Variants in ROBO2 observed in about 807,000 individuals in gnomAD.
ROBO2 encodes the protein roundabout guidance receptor 2.
In ROBO2, 53 loss-of-function variants were observed where a neutral mutation model predicts 160.8. The observed-to-expected ratio is 0.33, with a 90% CI of 0.26 to 0.41. ROBO2 has a LOEUF of 0.41. ROBO2 is among the 10% of genes least tolerant of loss of function. The pLI is 1.00. For synonymous variants in ROBO2, 664 were observed against 611.7 expected (o/e 1.09, Z -1.26); for missense variants, 1,577 against 1,722.4 (o/e 0.92, Z 1.49).
At chr3:77,122,326 G>A (rs12496474) in intron 2 of ROBO2, among the ~76,000 whole-genome samples, 61,650 of 151,970 alleles carry the variant, frequency 0.41, 12,798 homozygotes, top group Middle Eastern at 0.52. Context: ...TTGTGGTCAT[G>A]AACATATTTT....
chr3:76,118,528 CAA>C (rs1219738094), intron 2 of ROBO2, among the ~76,000 whole-genome samples: 2 of 152,110 alleles, frequency 1.3e-5, no homozygotes, highest in African/African-American at 4.8e-5. Context: ...TCTTTCCCTT[CAA>C]AAGTGTTAAC....
intron 2 of ROBO2, among the ~76,000 whole-genome samples, chr3:76,504,985 C>CT (rs1274238112): frequency 6.6e-6 from 1 of 152,014 alleles, no homozygotes; most frequent in Non-Finnish European, 1.5e-5. Flanking sequence ...ATTATGTTTG[C>CT]TGTTGACACT....
intron 2 of ROBO2, among the ~76,000 whole-genome samples, chr3:77,210,704 C>G (rs2084019018): frequency 1.3e-5 from 2 of 152,114 alleles, no homozygotes. Context: ...GGTCATTTAA[C>G]ATTAGGTATA....
At chr3:76,365,157 T>G (rs1462149378) in intron 2 of ROBO2, among the ~76,000 whole-genome samples, 1 of 152,056 alleles carries the variant, frequency 6.6e-6, no homozygotes, top group East Asian at 1.9e-4. Context: ...TGTGGCTTCT[T>G]GTGAATGGTA....
chr3:77,494,159 C>T (rs2086490357), intron 5 of ROBO2, among the ~76,000 whole-genome samples: 1 of 152,142 alleles, frequency 6.6e-6, no homozygotes, highest in African/African-American at 2.4e-5. Flanking sequence ...GTAATTTTAT[C>T]TTTAAGATTT....
intron 2 of ROBO2, among the ~76,000 whole-genome samples, chr3:76,668,262 G>A (rs1324729989): frequency 8.3e-6 from 1 of 120,770 alleles, no homozygotes; most frequent in Admixed American, 8.2e-5. Context: ...ACCACGCCCA[G>A]CTATTAAAAA....
At chr3:77,184,721 T>A (rs2081124513) in intron 2 of ROBO2, among the ~76,000 whole-genome samples, 4 of 152,072 alleles carry the variant, frequency 2.6e-5, no homozygotes, top group African/African-American at 9.6e-5. Context: ...CATTAGTTAA[T>A]CCTTCAGTGT....
chr3:76,957,067 A>G (rs992239760), intron 2 of ROBO2, among the ~76,000 whole-genome samples: 4 of 152,146 alleles, frequency 2.6e-5, no homozygotes, highest in Admixed American at 6.5e-5. Context: ...AAGTTTAAAT[A>G]CACCACTTCC....
chr3:76,918,225 A>G (rs1353495729), intron 2 of ROBO2, among the ~76,000 whole-genome samples: 1 of 152,120 alleles, frequency 6.6e-6, no homozygotes, highest in African/African-American at 2.4e-5. Context: ...TGGATCACGG[A>G]GGTGGTTTCC....
intron 2 of ROBO2, among the ~76,000 whole-genome samples, chr3:76,686,056 TATCACTGAAAGC>T (rs552271371): frequency 1.2e-3 from 180 of 152,206 alleles, no homozygotes; most frequent in Non-Finnish European, 1.3e-3. Context: ...TTCCTTTCCT[TATCACTGAAAGC>T]ATGCGATAGC....
At chr3:77,043,802 G>A (rs554960951) in intron 1 of ROBO2, among the ~76,000 whole-genome samples, 8 of 152,026 alleles carry the variant, frequency 5.3e-5, no homozygotes, top group South Asian at 2.1e-4. Flanking sequence ...CTTGTGAAAA[G>A]GTGTTTTAAA....
In ROBO2 at chr3:76,037,264, T is replaced by C. The variant is rs575520896; in HGVS notation, c.109+99662T>C. On this transcript the variant is annotated intron_variant, in intron 2 of 26. Coordinates refer to the ROBO2 transcript ENST00000487694. The stretch of plus-strand genomic sequence containing the variant: ...TGCATGTACATTTTCTTTTTTCTTT[T>C]TTTTTTTTTTTTAGACAGAGTATCA... Among the ~76,000 whole-genome samples, 83 of 150,906 alleles carry C rather than the reference T, an allele frequency of 5.5e-4. 2 individuals are homozygous for C. In the Middle Eastern group the frequency reaches 0.017, roughly 31 times the overall value.
At chr3:77,294,230 A>G (rs1359033530) in intron 2 of ROBO2, among the ~76,000 whole-genome samples, 2 of 141,486 alleles carry the variant, frequency 1.4e-5, no homozygotes, top group African/African-American at 5.4e-5. Context: ...AGACTAGATC[A>G]CCCCGGACAT....
At chr3:77,078,661 C>T (rs562449450) in intron 1 of ROBO2, among the ~76,000 whole-genome samples, 71 of 152,294 alleles carry the variant, frequency 4.7e-4, no homozygotes, top group African/African-American at 1.6e-3. Context: ...CTCAGAGAGA[C>T]AAAGTGTTCT....
At chr3:76,659,622 T>C (rs2091733723) in intron 2 of ROBO2, among the ~76,000 whole-genome samples, 1 of 152,076 alleles carries the variant, frequency 6.6e-6, no homozygotes, top group Admixed American at 6.6e-5. Context: ...CTAATAGATG[T>C]TTTAAAAGGA....
rs985983032 is a variant in ROBO2, at chr3:76,108,631, T to C, written c.109+171029T>C. Among the ~76,000 whole-genome samples the C allele has an allele frequency of 2.0e-5, 3 of 151,770 alleles. No individual in the cohort carries two copies. The East Asian group carries it at 5.8e-4, about 29-fold the overall frequency. On this transcript the variant is annotated intron_variant, in intron 2 of 26. Coordinates refer to the ROBO2 transcript ENST00000487694. ...AGCCCAAATTTTCCTCAATTCTTCA[T>C]AGTTAATGAAGAAGTGAGAATAATA...
At chr3:76,884,940 G>C (rs1453505146) in intron 2 of ROBO2, among the ~76,000 whole-genome samples, 1 of 152,108 alleles carries the variant, frequency 6.6e-6, no homozygotes, top group Non-Finnish European at 1.5e-5. Flanking sequence ...ACACAGAGGA[G>C]AGATGGTTAA....
chr3:76,753,226 A>G (rs1168083219), intron 2 of ROBO2, among the ~76,000 whole-genome samples: 1 of 151,850 alleles, frequency 6.6e-6, no homozygotes, highest in East Asian at 1.9e-4. Flanking sequence ...TTTGTTTTAA[A>G]TTCTTTTGTT....
intron 2 of ROBO2, among the ~76,000 whole-genome samples, chr3:76,126,986 C>T (rs1041701094): frequency 2.6e-5 from 4 of 152,082 alleles, no homozygotes; most frequent in African/African-American, 7.2e-5. Context: ...TGTTTACCTC[C>T]AGATAATGCT....
Sources: gnomAD v4.1 joint callset for allele counts (sites outside exome capture counted in the v4.1 genomes callset) on GRCh38, gnomAD v4.1.1 for gene constraint, MANE v1.5 for transcripts, NCBI Gene and HGNC (gene_info 2026-07-23, HGNC 2026-07-21) for gene names.